Variants in ARGLU1 observed in about 807,000 individuals in gnomAD.
The protein encoded by ARGLU1 is arginine and glutamate rich 1, also known as arginine and glutamate-rich protein 1.
A neutral mutation model predicts 37.6 loss-of-function variants in ARGLU1; 9 were observed. The observed-to-expected ratio is 0.24, with a 90% CI of 0.14 to 0.42. The LOEUF is 0.42. Among genes scored for constraint, ARGLU1 ranks in the 10% least tolerant of loss-of-function variants. The pLI is 1.00. For missense variants in ARGLU1, 211 were observed against 359.2 expected, an observed-to-expected ratio of 0.59 and a Z score of 3.34; for synonymous variants, 166 against 138.5, an observed-to-expected ratio of 1.20 and a Z score of -1.39.
Position 106,542,961 on chromosome 13 carries a change from C to T in ARGLU1, c.*1035G>A, listed in dbSNP as rs1880299503. On this transcript the variant is annotated 3_prime_UTR_variant, in exon 4 of 4. Coordinates refer to ENST00000400198, the MANE Select transcript of ARGLU1 (RefSeq NM_018011.4). The stretch of plus-strand genomic sequence containing the variant: ...TAAAGCTAAGTTCTTTCTGATGGCC[C>T]ACTCTGAAAACGATCTCAGATTCCA... The T allele has an allele frequency of 6.6e-6, 1 of 151,968 alleles. No individual in the cohort carries two copies. 9.4% of individuals were successfully genotyped at this position (151,968 alleles called of 1,614,324 possible). A position where few individuals can be genotyped will look rare whatever the true frequency, so the allele number is the denominator to read the frequency against.
At chr13:106,556,131 A>G (rs966568766) in intron 3 of ARGLU1, among the ~76,000 whole-genome samples, 1 of 152,232 alleles carries the variant, frequency 6.6e-6, no homozygotes, top group Non-Finnish European at 1.5e-5. Context: ...ATGCAGCAAT[A>G]TAACTTAGAA....
chr13:106,553,469 C>T (rs187870168), intron 3 of ARGLU1, among the ~76,000 whole-genome samples: 1 of 152,278 alleles, frequency 6.6e-6, no homozygotes, highest in East Asian at 1.9e-4. Flanking sequence ...AATTCTTAGA[C>T]ACAGAATTAA....
chr13:106,556,256 C>T (rs949923550), intron 3 of ARGLU1, among the ~76,000 whole-genome samples: 4 of 152,154 alleles, frequency 2.6e-5, no homozygotes, highest in African/African-American at 9.7e-5. Flanking sequence ...TTCACAAATA[C>T]CAGGTGATAT....
At position 106,567,977 on chromosome 13, in the gene ARGLU1, C is replaced by G; in HGVS notation, c.-58G>C. On this transcript the variant is annotated 5_prime_UTR_variant, in exon 1 of 4. Coordinates refer to ENST00000400198, the MANE Select transcript of ARGLU1 (RefSeq NM_018011.4). The surrounding 1 kb of genome is among the most constrained non-coding windows in gnomAD (Gnocchi z 4.3). ...GGCCCCTCACGCGGCCAGTTCCCCTCGCCTCCGCCTTCGGACGCGGGCTGG... is the reference window on the plus strand; with the variant it reads ...GGCCCCTCACGCGGCCAGTTCCCCTGGCCTCCGCCTTCGGACGCGGGCTGG... The G allele has an allele frequency of 6.5e-7, 1 of 1,527,710 alleles. No homozygotes were observed. Among genetic ancestry groups the G allele is most frequent in the East Asian group, 2.4e-5 (1 of 41,200 alleles). The allele number at this position is 1,527,710 out of a possible 1,614,324, so 94.6% of individuals were successfully genotyped here.
Position 106,542,062 on chromosome 13 carries a change from G to A in ARGLU1, c.*1934C>T, listed in dbSNP as rs549256764. On this transcript the variant is annotated 3_prime_UTR_variant, in exon 4 of 4. Coordinates refer to ENST00000400198, the MANE Select transcript of ARGLU1 (RefSeq NM_018011.4). The stretch of plus-strand genomic sequence containing the variant: ...ATCTCACTGGAGTCTCCAAAAGCAA[G>A]CAGATACTGCAGGATGTCATTAAGC... The A allele has an allele frequency of 3.9e-5, 6 of 152,068 alleles. No individual in the cohort carries two copies. The East Asian group carries it at 9.7e-4, about 24-fold the overall frequency. 9.4% of individuals were successfully genotyped at this position (152,068 alleles called of 1,614,324 possible).
At chr13:106,555,760 T>C (rs1880647609) in intron 3 of ARGLU1, among the ~76,000 whole-genome samples, 1 of 152,186 alleles carries the variant, frequency 6.6e-6, no homozygotes, top group Non-Finnish European at 1.5e-5. Flanking sequence ...AAGCCGTCCC[T>C]AGCTACCACA....
Position 106,557,008 on chromosome 13 carries a change from G to T in ARGLU1, c.657+40C>A. 1 of 1,553,176 alleles carries T rather than the reference G, an allele frequency of 6.4e-7. No individual in the cohort carries two copies. The highest frequency in any genetic ancestry group is 8.9e-7 in the Non-Finnish European group (1 of 1,126,828). On this transcript the variant is annotated intron_variant, in intron 3 of 3. Transcript: ENST00000400198. This position sits in a 1 kb window ranked among gnomAD's most constrained non-coding sequence, Gnocchi z 5.0. ...ACAAAATCCGAAAAAAGGAAATAAA[G>T]CAAAATACAAAACACTTTTCATGTA...
intron 3 of ARGLU1, among the ~76,000 whole-genome samples, chr13:106,548,604 A>T (rs1371708872): frequency 6.6e-6 from 1 of 152,148 alleles, no homozygotes; most frequent in African/African-American, 2.4e-5. Flanking sequence ...TTATGCCCAT[A>T]ACCCTGTTCA....
intron 1 of ARGLU1, among the ~76,000 whole-genome samples, chr13:106,560,940 T>C (rs940465502): frequency 6.6e-6 from 1 of 152,214 alleles, no homozygotes; most frequent in South Asian, 2.1e-4. Flanking sequence ...ATGATTCAAT[T>C]CTCACCCAAG....
In ARGLU1 at chr13:106,542,035, A is replaced by G. The variant is rs1880271320; in HGVS notation, c.*1961T>C. 1 of 152,162 alleles carries G rather than the reference A, an allele frequency of 6.6e-6. No individual in the cohort carries two copies. The allele number at this position is 152,162 out of a possible 1,614,324, so 9.4% of individuals were successfully genotyped here. The stretch of plus-strand genomic sequence containing the variant: ...GTTACCAAGCACAGGAACAATTTCA[A>G]CATCTCACTGGAGTCTCCAAAAGCA... On this transcript the variant is annotated 3_prime_UTR_variant, in exon 4 of 4. Transcript: ENST00000400198.
intron 3 of ARGLU1, among the ~76,000 whole-genome samples, chr13:106,544,481 T>C (rs116054648): frequency 0.012 from 1,796 of 152,292 alleles, 31 homozygotes; most frequent in African/African-American, 0.04. Flanking sequence ...TCAATGAAAA[T>C]AAATGAACAA....
chr13:106,544,271 T>A lies in ARGLU1; in HGVS notation c.658-111A>T, dbSNP rs190323937. On this transcript the variant is annotated intron_variant, in intron 3 of 3. Coordinates refer to ENST00000400198, the MANE Select transcript of ARGLU1 (RefSeq NM_018011.4). ...TCTACAAAAAAATTTTTAATGCAAATGCAAAAAAGGGGGTAAAAACAAGGA... is the reference window on the plus strand; with the variant it reads ...TCTACAAAAAAATTTTTAATGCAAAAGCAAAAAAGGGGGTAAAAACAAGGA... 2.5e-5 allele frequency: 23 copies of A among 908,068 alleles called. No homozygotes were observed. The Admixed American group carries it at 5.7e-4, about 22-fold the overall frequency. 56.3% of individuals were successfully genotyped at this position (908,068 alleles called of 1,614,324 possible). A position where few individuals can be genotyped will look rare whatever the true frequency, so the allele number is the denominator to read the frequency against.
intron 3 of ARGLU1, among the ~76,000 whole-genome samples, chr13:106,552,269 T>G (rs186216004): frequency 4.6e-5 from 7 of 152,256 alleles, no homozygotes; most frequent in African/African-American, 1.7e-4. Flanking sequence ...AGAAAACTAT[T>G]TCATTAGTAA....
Position 106,568,075 on chromosome 13 carries a change from T to A in ARGLU1, c.-156A>T. 1 of 1,210,852 alleles carries A rather than the reference T, an allele frequency of 8.3e-7. No homozygotes were observed. Among genetic ancestry groups the A allele is most frequent in the Non-Finnish European group, 1.1e-6 (1 of 918,238 alleles). 75.0% of individuals were successfully genotyped at this position (1,210,852 alleles called of 1,614,324 possible). Reference sequence around the variant, plus strand: ...TATGCCTTTTCCCGGCGTCTACAGCTGCCACGAAGGCCGCCTCCAACGAGA... The same window carrying A: ...TATGCCTTTTCCCGGCGTCTACAGCAGCCACGAAGGCCGCCTCCAACGAGA... On this transcript the variant is annotated 5_prime_UTR_variant, in exon 1 of 4. Coordinates refer to ENST00000400198, the MANE Select transcript of ARGLU1 (RefSeq NM_018011.4).
rs1345893440 is a variant in ARGLU1 at position 106,567,514 on chromosome 13, G to T, written c.347+59C>A. Reference sequence around the variant, plus strand: ...CCGCACCGTCCCGCCCCGGCCCCACGCCCTCGCCCCGCGCCCTGCTCTCCG... The same window carrying T: ...CCGCACCGTCCCGCCCCGGCCCCACTCCCTCGCCCCGCGCCCTGCTCTCCG... On this transcript the variant is annotated intron_variant, in intron 1 of 3. Coordinates refer to ENST00000400198, the MANE Select transcript of ARGLU1 (RefSeq NM_018011.4). This position sits in a 1 kb window ranked among gnomAD's most constrained non-coding sequence, Gnocchi z 4.3. 1 of 1,241,530 alleles carries T rather than the reference G, an allele frequency of 8.1e-7. No individual in the cohort carries two copies. Among genetic ancestry groups the T allele is most frequent in the South Asian group, 1.2e-5 (1 of 81,854 alleles). The allele number at this position is 1,241,530 out of a possible 1,614,324, so 76.9% of individuals were successfully genotyped here.
chr13:106,546,033 C>T (rs1006829226), intron 3 of ARGLU1, among the ~76,000 whole-genome samples: 3 of 152,176 alleles, frequency 2.0e-5, no homozygotes, highest in African/African-American at 7.2e-5. Context: ...CTTTCCCTTC[C>T]GCCACTCAAA....
At position 106,567,218 on chromosome 13, in the gene ARGLU1, G is replaced by C. The variant is rs1418097139; in HGVS notation, c.347+355C>G. Among the ~76,000 whole-genome samples, 1 of 152,052 alleles carries C rather than the reference G, an allele frequency of 6.6e-6. No individual in the cohort carries two copies. The highest frequency in any genetic ancestry group is 1.9e-4 in the East Asian group (1 of 5,148). ...TCACCACCCTCCACATCTGCAGGCC[G>C]GCTCGCTCCCGGCCTCACAAGCCAA... On this transcript the variant is annotated intron_variant, in intron 1 of 3. Coordinates refer to ENST00000400198, the MANE Select transcript of ARGLU1 (RefSeq NM_018011.4). The surrounding 1 kb of genome is among the most constrained non-coding windows in gnomAD (Gnocchi z 4.3).
intron 3 of ARGLU1, among the ~76,000 whole-genome samples, chr13:106,549,058 T>C (rs1222436667): frequency 6.6e-6 from 1 of 152,224 alleles, no homozygotes; most frequent in Non-Finnish European, 1.5e-5. Context: ...GCCTCTGCCC[T>C]ACCGTCTTTA....
chr13:106,546,190 G>A (rs1051827617), intron 3 of ARGLU1, among the ~76,000 whole-genome samples: 1 of 152,108 alleles, frequency 6.6e-6, no homozygotes, highest in East Asian at 1.9e-4. Flanking sequence ...AATGGTGCCC[G>A]TTTCCAGTGT....
Sources: gnomAD v4.1 joint callset for allele counts (sites outside exome capture counted in the v4.1 genomes callset) on GRCh38, gnomAD v4.1.1 for gene constraint, Gnocchi (gnomAD v3.1) non-coding constraint, MANE v1.5 for transcripts, NCBI Gene and HGNC (gene_info 2026-07-23, HGNC 2026-07-21) for gene names.